DNAH10: variants seen among roughly 807,000 people sequenced by gnomAD.
DNAH10 encodes dynein axonemal heavy chain 10.
In DNAH10, 348 loss-of-function variants were observed where a neutral mutation model predicts 506.6. The ratio of observed to expected loss-of-function variants is 0.69; its 90% CI spans 0.63 to 0.75. The LOEUF (loss-of-function observed/expected upper bound fraction) is 0.75. Among genes scored for constraint, DNAH10 ranks in the 30% least tolerant of loss-of-function variants. DNAH10 has a pLI of 0.00. For missense variants in DNAH10, 5,179 were observed against 5,787.1 expected (o/e 0.89, Z 3.41); for synonymous variants, 2,059 against 2,198.6 (o/e 0.94, Z 1.78).
chr12:123,903,380 G>A lies in DNAH10; in HGVS notation c.9815+267G>A, dbSNP rs1953620170. Among the ~76,000 whole-genome samples the A allele has an allele frequency of 6.6e-6, 1 of 152,228 alleles. No homozygotes were observed. The highest frequency in any genetic ancestry group is 2.4e-5 in the African/African-American group (1 of 41,464). On this transcript the variant is annotated intron_variant, in intron 57 of 78. Coordinates refer to ENST00000673944, the MANE Select transcript of DNAH10 (RefSeq NM_001372106.1). This position sits in a 1 kb window ranked among gnomAD's most constrained non-coding sequence, Gnocchi z 4.6. ...TGACCTTGAACCCAGGCCAAGGGAA[G>A]GATGGAGTGGGGTAAAACAGTGCTC...
chr12:123,922,100 C>T lies in DNAH10; in HGVS notation c.11507-1663C>T, dbSNP rs377149066. On this transcript the variant is annotated intron_variant, in intron 65 of 78. Coordinates refer to ENST00000673944, the MANE Select transcript of DNAH10 (RefSeq NM_001372106.1). The stretch of plus-strand genomic sequence containing the variant: ...TTAAAAAACTAACCATTAGGCCAGG[C>T]GCGGTGGCTCACTCCTGTAATCCCA... Among the ~76,000 whole-genome samples, 10 of 151,882 alleles carry T rather than the reference C, an allele frequency of 6.6e-5. No homozygotes were observed. The East Asian group carries it at 9.8e-4, about 15-fold the overall frequency.
rs1241450032 is a variant in DNAH10, at chr12:123,879,626, G to T, written c.8467-8G>T. 6.2e-7 allele frequency: 1 copy of T among 1,613,810 alleles called. No homozygotes were observed. Among genetic ancestry groups the T allele is most frequent in the Non-Finnish European group, 8.5e-7 (1 of 1,179,838 alleles). On this transcript the variant is annotated splice_region_variant and splice_polypyrimidine_tract_variant and intron_variant, in intron 49 of 78. Coordinates refer to ENST00000673944, the MANE Select transcript of DNAH10 (RefSeq NM_001372106.1). ...AGTTTGGGTCCTTAAGTGGGCTTCT[G>T]TTTCAAGGTACAACAGCACATAGGC...
intron 39 of DNAH10, among the ~76,000 whole-genome samples, chr12:123,862,675 G>A (rs1483141948): frequency 1.3e-5 from 2 of 152,176 alleles, no homozygotes; most frequent in African/African-American, 4.8e-5. Flanking sequence ...ACAGGTGTGA[G>A]CCACCATGCC....
At chr12:123,821,881 C>T (rs2136423631) in intron 24 of DNAH10, among the ~76,000 whole-genome samples, 1 of 151,938 alleles carries the variant, frequency 6.6e-6, no homozygotes, top group South Asian at 2.1e-4. Context: ...CTAGCCTGGG[C>T]AACAAGGCGA....
intron 25 of DNAH10, among the ~76,000 whole-genome samples, chr12:123,827,489 A>G (rs1960113454): frequency 6.6e-6 from 1 of 152,148 alleles, no homozygotes; most frequent in Non-Finnish European, 1.5e-5. Context: ...TGGCCACCAT[A>G]CTGATGGGAT....
At chr12:123,848,154 C>A (rs942856182) in intron 33 of DNAH10, 59 bp downstream of exon 33, 15 of 1,564,720 alleles carry the variant, frequency 9.6e-6, no homozygotes, top group Non-Finnish European at 4.3e-6. Context: ...TAAAGCAGGA[C>A]ATGGCATTTC....
intron 56 of DNAH10, among the ~76,000 whole-genome samples, chr12:123,899,762 C>G (rs1953431424): frequency 6.6e-6 from 1 of 152,194 alleles, no homozygotes; most frequent in Non-Finnish European, 1.5e-5. Context: ...GTGCCCGAGC[C>G]CAGATCCCTG....
intron 18 of DNAH10, among the ~76,000 whole-genome samples, chr12:123,806,198 C>T (rs953504960): frequency 1.8e-4 from 27 of 152,198 alleles, no homozygotes; most frequent in African/African-American, 6.0e-4. Flanking sequence ...TGCTAGGAAG[C>T]TTAGAACCAA....
rs771911460 is a variant in DNAH10 at position 123,772,887 on chromosome 12, T to A, written c.450T>A (p.Pro150=). The A allele has an allele frequency of 3.7e-6, 6 of 1,612,970 alleles. No individual in the cohort carries two copies. Among genetic ancestry groups the A allele is most frequent in the Non-Finnish European group, 5.1e-6 (6 of 1,179,590 alleles). ...TGCATCTCCACATGCTCTGTACCCC[T>A]CTTCCCGAGGAGTTCCTGGACCAAA... The part of the protein sequence containing the change: ...EKMHLHMLCT[P]LPEEFLDQNV... The change falls in exon 4 of 79, where the codon CCT becomes CCA. Residue 150 remains proline (P), a synonymous_variant. Coordinates refer to ENST00000673944, the MANE Select transcript of DNAH10 (RefSeq NM_001372106.1).
chr12:123,866,926 C>A (rs187513512), intron 41 of DNAH10, among the ~76,000 whole-genome samples: 32 of 152,312 alleles, frequency 2.1e-4, no homozygotes, highest in Non-Finnish European at 4.4e-4. Flanking sequence ...CACAGGTGTT[C>A]TGGGTGTGTC....
intron 11 of DNAH10, 127 bp from the exon 12 acceptor site, chr12:123,793,815 A>G (rs1594041522): frequency 7.8e-6 from 5 of 644,370 alleles, no homozygotes; most frequent in Non-Finnish European, 1.0e-5. Context: ...ATTGGATACC[A>G]GTTTCCATTA....
chr12:123,800,228 A>G lies in DNAH10; in HGVS notation c.2302A>G (p.Thr768Ala), dbSNP rs773388313. The part of the protein sequence containing the change: ...KSLLTKSSIA[T>A]EEPSTLERGA... The stretch of plus-strand genomic sequence containing the variant: ...GTCTCTTCCACAGTCTTCCATCGCC[A>G]CAGAGGAGCCTTCGACTTTAGAAAG... Residue 768 changes from threonine to alanine, a missense_variant, in exon 15 of 79, where the codon ACA becomes GCA. Coordinates refer to ENST00000673944, the MANE Select transcript of DNAH10 (RefSeq NM_001372106.1). 10 of 1,613,738 alleles carry G rather than the reference A, an allele frequency of 6.2e-6. No homozygotes were observed. In the Admixed American group the frequency reaches 1.5e-4, roughly 24 times the overall value.
intron 24 of DNAH10, among the ~76,000 whole-genome samples, chr12:123,824,170 A>G (rs1198374638): frequency 6.6e-6 from 1 of 152,056 alleles, no homozygotes; most frequent in Non-Finnish European, 1.5e-5. Context: ...TTGCAGGTAG[A>G]GTCAGTGGGA....
At chr12:123,844,443 T>C (rs1950878269) in intron 30 of DNAH10, among the ~76,000 whole-genome samples, 2 of 152,162 alleles carry the variant, frequency 1.3e-5, no homozygotes, top group Non-Finnish European at 2.9e-5. Flanking sequence ...TGTAAGTTAG[T>C]GCCTCTGGAG....
chr12:123,852,988 C>G (rs1282616188), intron 35 of DNAH10, among the ~76,000 whole-genome samples: 2 of 152,110 alleles, frequency 1.3e-5, no homozygotes, highest in Non-Finnish European at 2.9e-5. Context: ...ATTTTGGTAA[C>G]ACAGATGTTT....
intron 44 of DNAH10, among the ~76,000 whole-genome samples, chr12:123,871,255 G>A (rs1025058738): frequency 3.6e-4 from 55 of 152,340 alleles, no homozygotes; most frequent in African/African-American, 1.2e-3. Context: ...ACCCTGGACT[G>A]TGGTGATGGT....
Position 123,897,890 on chromosome 12 carries a change from A to G in DNAH10, c.9401A>G (p.Tyr3134Cys), listed in dbSNP as rs531678330. 3.7e-6 allele frequency: 6 copies of G among 1,611,566 alleles called. No homozygotes were observed. Among genetic ancestry groups the G allele is most frequent in the East Asian group, 2.2e-5 (1 of 44,838 alleles). ...QFLQKLRRSNYVTPKNYLDFI... is the reference protein window; with the variant it reads ...QFLQKLRRSNCVTPKNYLDFI... ...CTACAGAAATTGAGGCGCAGCAACT[A>G]TGTCACTCCCAAGAACTACCTTGAT... is the stretch of plus-strand genomic sequence containing the variant. The change falls in exon 55 of 79, where the codon TAT (tyrosine) becomes TGT (cysteine). Residue 3134 changes from tyrosine to cysteine, a missense_variant. Physicochemically the swap from Tyr to Cys is radical, Grantham distance 194 (BLOSUM62 -2). This residue lies in a region of DNAH10 where 4,844 missense variants were observed against 5,430.5 expected (regional missense o/e 0.89). Transcript: ENST00000673944.
intron 44 of DNAH10, 151 bp from the exon 45 acceptor site, chr12:123,871,306 A>G: frequency 2.2e-6 from 2 of 908,158 alleles, no homozygotes; most frequent in South Asian, 1.8e-5. Flanking sequence ...TCAGTTATAC[A>G]CTTCAATGGG....
Position 123,897,816 on chromosome 12 carries a change from G to C in DNAH10, c.9327G>C (p.Lys3109Asn), listed in dbSNP as rs201365613. The change falls in exon 55 of 79, where the codon AAG becomes AAC. Residue 3109 changes from lysine to asparagine, a missense_variant. Lys to Asn is a moderately conservative substitution (Grantham distance 94). Transcript: ENST00000673944. ...CAGAAAATATAGAAAATGTGGTGAA[G>C]CATGTTGTCTTGGTTCACCAATCCG... The part of the protein sequence containing the change: ...IPAENIENVV[K>N]HVVLVHQSVD... 1.4e-4 allele frequency: 225 copies of C among 1,610,758 alleles called. No homozygotes were observed. In the African/African-American group the frequency reaches 2.8e-3, roughly 20 times the overall value.
Sources: allele counts gnomAD v4.1 joint callset (sites outside exome capture counted in the v4.1 genomes callset), GRCh38; gene constraint gnomAD v4.1.1; regional missense constraint gnomAD v4.1.1; non-coding constraint Gnocchi (gnomAD v3.1); transcripts MANE v1.5; gene names NCBI Gene and HGNC (gene_info 2026-07-23, HGNC 2026-07-21).